SGCG: variants seen among roughly 807,000 people sequenced by gnomAD.
SGCG encodes the protein gamma-sarcoglycan.
Under a neutral mutation model 29.3 loss-of-function variants are expected in SGCG, and 26 were observed. That is an observed-to-expected ratio of 0.89 (90% CI 0.65 to 1.23). The LOEUF (loss-of-function observed/expected upper bound fraction) is 1.23, where lower values mean the gene tolerates loss of function less well. Ranked by LOEUF, SGCG falls within the 50% of genes most tolerant of loss-of-function variation. The pLI, the probability that SGCG is intolerant of heterozygous loss-of-function variation, is 0.00. For synonymous variants in SGCG, 145 were observed against 129.7 expected (o/e 1.12, Z -0.80); for missense variants, 353 against 356.0 (o/e 0.99, Z 0.07).
chr13:23,161,256 G>A, the SGCG span, among the ~76,000 whole-genome samples: 1 of 152,172 alleles, frequency 6.6e-6, no homozygotes, highest in Admixed American at 6.5e-5. Flanking sequence ...TTACATATTT[G>A]CATGCTGTCA....
Position 23,307,814 on chromosome 13 carries a change from C to T in SGCG, c.578+12327C>T, listed in dbSNP as rs947070215. Reference sequence around the variant, plus strand: ...TAAATCATAAAGAATATCATAAATACATAACTATTAAAATGCAGGCATTTA... The same window carrying T: ...TAAATCATAAAGAATATCATAAATATATAACTATTAAAATGCAGGCATTTA... On this transcript the variant is annotated intron_variant, in intron 6 of 7. Transcript: ENST00000218867. 6.6e-5 allele frequency among the ~76,000 whole-genome samples: 10 copies of T among 152,156 alleles called. No individual in the cohort carries two copies. In the South Asian group the frequency reaches 2.1e-3, roughly 32 times the overall value.
intron 2 of SGCG, among the ~76,000 whole-genome samples, chr13:23,219,965 A>T (rs1432739710): frequency 3.3e-5 from 5 of 150,292 alleles, no homozygotes; most frequent in African/African-American, 4.9e-5. Flanking sequence ...CCTCCCAAGT[A>T]GTGGGACTGC....
chr13:23,161,928 C>T, the SGCG span, among the ~76,000 whole-genome samples: 1 of 152,238 alleles, frequency 6.6e-6, no homozygotes, highest in Admixed American at 6.5e-5. Flanking sequence ...ACCGTGGCCT[C>T]ACATGTGCCA....
intron 4 of SGCG, among the ~76,000 whole-genome samples, chr13:23,274,583 C>T (rs915361354): frequency 1.3e-5 from 2 of 151,738 alleles, no homozygotes; most frequent in African/African-American, 4.8e-5. Context: ...CCACCATGCT[C>T]GGCTAATTTT....
At chr13:23,174,927 A>G in the SGCG span, among the ~76,000 whole-genome samples, 1 of 151,928 alleles carries the variant, frequency 6.6e-6, no homozygotes, top group African/African-American at 2.4e-5. Context: ...GTAAACTGAA[A>G]GGAGGGCTGG....
intron 4 of SGCG, among the ~76,000 whole-genome samples, chr13:23,263,249 GAA>G (rs1216957835): frequency 6.6e-6 from 1 of 151,804 alleles, no homozygotes; most frequent in Admixed American, 6.6e-5. Flanking sequence ...ATCAAGAAAA[GAA>G]GAGAGAAGAT....
intron 4 of SGCG, among the ~76,000 whole-genome samples, chr13:23,261,856 G>A (rs562799851): frequency 5.3e-4 from 81 of 152,066 alleles, no homozygotes; most frequent in Non-Finnish European, 9.9e-4. Context: ...ACTATCTTTA[G>A]TATCATTAAA....
intron 2 of SGCG, among the ~76,000 whole-genome samples, chr13:23,219,143 G>A (rs1285167498): frequency 6.6e-6 from 1 of 151,532 alleles, no homozygotes; most frequent in Non-Finnish European, 1.5e-5. Flanking sequence ...TGCCTCCTGG[G>A]TTCACGCCAT....
At chr13:23,210,848 T>C (rs1878171805) in intron 2 of SGCG, among the ~76,000 whole-genome samples, 1 of 152,114 alleles carries the variant, frequency 6.6e-6, no homozygotes, top group African/African-American at 2.4e-5. Context: ...GATATCAGGA[T>C]CCATGAAGAT....
chr13:23,181,423 A>G (rs1876731739), intron 1 of SGCG, among the ~76,000 whole-genome samples: 2 of 152,198 alleles, frequency 1.3e-5, no homozygotes, highest in Non-Finnish European at 2.9e-5. Flanking sequence ...AAGATCACCT[A>G]CTTCTAATTC....
intron 4 of SGCG, among the ~76,000 whole-genome samples, chr13:23,271,244 G>T (rs980245064): frequency 7.2e-5 from 11 of 151,978 alleles, no homozygotes; most frequent in African/African-American, 2.7e-4. Flanking sequence ...CTTTAAACTT[G>T]AAATGCCGTC....
chr13:23,300,435 G>T (rs575829189), intron 6 of SGCG, among the ~76,000 whole-genome samples: 2 of 152,272 alleles, frequency 1.3e-5, no homozygotes, highest in East Asian at 3.9e-4. Flanking sequence ...CCAAGTGATT[G>T]TTCAGTGTGC....
intron 1 of SGCG, among the ~76,000 whole-genome samples, chr13:23,190,211 A>G (rs1359500692): frequency 6.6e-6 from 1 of 152,140 alleles, no homozygotes; most frequent in African/African-American, 2.4e-5. Context: ...GTAAATTGGT[A>G]TTTGAGAGTC....
chr13:23,304,067 T>C (rs2137497449), intron 6 of SGCG, among the ~76,000 whole-genome samples: 1 of 152,326 alleles, frequency 6.6e-6, no homozygotes, highest in Admixed American at 6.5e-5. Flanking sequence ...GTGAATTGTT[T>C]GTCTTTTTCT....
intron 6 of SGCG, among the ~76,000 whole-genome samples, chr13:23,315,935 A>C (rs1882791174): frequency 6.6e-6 from 1 of 152,160 alleles, no homozygotes; most frequent in Admixed American, 6.5e-5. Flanking sequence ...AATCAAGTGG[A>C]TAGGATGACC....
intron 1 of SGCG, among the ~76,000 whole-genome samples, chr13:23,188,979 G>C (rs980715150): frequency 6.6e-6 from 1 of 152,180 alleles, no homozygotes; most frequent in African/African-American, 2.4e-5. Flanking sequence ...GGCCAGATTG[G>C]TGAATTAAAT....
intron 2 of SGCG, among the ~76,000 whole-genome samples, chr13:23,234,364 C>T (rs1237203847): frequency 2.0e-5 from 3 of 151,812 alleles, no homozygotes; most frequent in Admixed American, 6.6e-5. Flanking sequence ...TGGTGATGGG[C>T]TCTTGAGTAT....
intron 2 of SGCG, among the ~76,000 whole-genome samples, chr13:23,205,349 A>G (rs1185470745): frequency 1.3e-5 from 2 of 152,094 alleles, no homozygotes; most frequent in Admixed American, 6.5e-5. Context: ...ATTATAAACT[A>G]TGGGATTTGC....
chr13:23,309,992 T>C (rs1056139470), intron 6 of SGCG, among the ~76,000 whole-genome samples: 2 of 151,984 alleles, frequency 1.3e-5, no homozygotes, highest in African/African-American at 4.8e-5. Context: ...TAATGCAAGG[T>C]TTGTATGTAA....
Sources: allele counts gnomAD v4.1 joint callset (sites outside exome capture counted in the v4.1 genomes callset), GRCh38; gene constraint gnomAD v4.1.1; transcripts MANE v1.5; gene names NCBI Gene and HGNC (gene_info 2026-07-23, HGNC 2026-07-21).